Variants in GRID2 observed in about 807,000 individuals in gnomAD.
The protein encoded by GRID2 is glutamate ionotropic receptor delta type subunit 2, also known as glutamate receptor ionotropic, delta-2.
A neutral mutation model predicts 114.8 loss-of-function variants in GRID2; 33 were observed. That is an observed-to-expected ratio of 0.29 (90% CI 0.22 to 0.38). The LOEUF is 0.38. Among genes scored for constraint, GRID2 ranks in the 10% least tolerant of loss-of-function variants. GRID2 has a pLI of 1.00. For missense variants in GRID2, 1,184 were observed against 1,257.7 expected (o/e 0.94, Z 0.89); for synonymous variants, 505 against 449.9 (o/e 1.12, Z -1.55).
At chr4:93,129,197 C>T (rs1734567981) in intron 4 of GRID2, among the ~76,000 whole-genome samples, 1 of 152,164 alleles carries the variant, frequency 6.6e-6, no homozygotes, top group Non-Finnish European at 1.5e-5. Flanking sequence ...AGAAGTTTAG[C>T]AATTAGTACA....
chr4:92,806,330 G>A (rs2149375817), intron 2 of GRID2, among the ~76,000 whole-genome samples: 1 of 151,700 alleles, frequency 6.6e-6, no homozygotes, highest in East Asian at 2.0e-4. Flanking sequence ...AAATACACTG[G>A]AGACTTGTGG....
chr4:92,394,921 C>T (rs1022532953), intron 1 of GRID2, among the ~76,000 whole-genome samples: 11 of 151,326 alleles, frequency 7.3e-5, no homozygotes, highest in Admixed American at 2.6e-4. Context: ...TTTTAGTCTT[C>T]CTACCAAAAG....
chr4:93,493,910 T>C (rs1252336004), intron 12 of GRID2, among the ~76,000 whole-genome samples: 4 of 151,826 alleles, frequency 2.6e-5, no homozygotes, highest in Non-Finnish European at 5.9e-5. Flanking sequence ...AATAAATCTC[T>C]ACTTCCTTGT....
At chr4:93,218,566 C>T (rs1013452989) in intron 6 of GRID2, among the ~76,000 whole-genome samples, 1 of 152,116 alleles carries the variant, frequency 6.6e-6, no homozygotes, top group African/African-American at 2.4e-5. Flanking sequence ...TCATAACGTG[C>T]TTCTCTACCA....
chr4:92,649,243 C>A (rs13145765), intron 2 of GRID2, among the ~76,000 whole-genome samples: 23,413 of 137,166 alleles, frequency 0.17, 2,357 homozygotes, highest in South Asian at 0.3. Context: ...AGAATTCCCA[C>A]CAGTTTACCA....
At chr4:93,110,300 C>A (rs1732646356) in intron 3 of GRID2, among the ~76,000 whole-genome samples, 1 of 152,064 alleles carries the variant, frequency 6.6e-6, no homozygotes, top group South Asian at 2.1e-4. Context: ...ATACTGTTGC[C>A]TATTTTAAGA....
chr4:93,147,414 T>G (rs1224744621), intron 4 of GRID2, among the ~76,000 whole-genome samples: 2 of 152,176 alleles, frequency 1.3e-5, no homozygotes, highest in African/African-American at 2.4e-5. Flanking sequence ...GTACTCAGAT[T>G]AAATATAATC....
At chr4:93,197,605 T>G (rs35449503) in intron 4 of GRID2, among the ~76,000 whole-genome samples, 8 of 152,166 alleles carry the variant, frequency 5.3e-5, no homozygotes, top group Non-Finnish European at 1.0e-4. Context: ...ATGAGTACTG[T>G]CAAAAGTATT....
intron 8 of GRID2, among the ~76,000 whole-genome samples, chr4:93,270,121 A>G (rs892711803): frequency 2.0e-5 from 3 of 151,988 alleles, no homozygotes; most frequent in Non-Finnish European, 4.4e-5. Flanking sequence ...GAAGAAGGAG[A>G]AAAAATAGGC....
At chr4:92,875,839 A>G (rs1474846997) in intron 2 of GRID2, among the ~76,000 whole-genome samples, 1 of 152,116 alleles carries the variant, frequency 6.6e-6, no homozygotes, top group African/African-American at 2.4e-5. Flanking sequence ...TTTTTTTGTC[A>G]ATAATCATTA....
chr4:92,927,130 T>G (rs1438331697), intron 2 of GRID2, among the ~76,000 whole-genome samples: 5 of 151,906 alleles, frequency 3.3e-5, no homozygotes, highest in Non-Finnish European at 7.4e-5. Context: ...GATAAACCAA[T>G]ATAGTCCAAG....
At chr4:92,853,977 C>A (rs1744003741) in intron 2 of GRID2, among the ~76,000 whole-genome samples, 1 of 151,362 alleles carries the variant, frequency 6.6e-6, no homozygotes, top group South Asian at 2.1e-4. Context: ...CACATGTACC[C>A]CCATATCTAA....
At chr4:93,103,689 A>G (rs1243105665) in intron 3 of GRID2, among the ~76,000 whole-genome samples, 2 of 151,944 alleles carry the variant, frequency 1.3e-5, no homozygotes, top group Non-Finnish European at 2.9e-5. Flanking sequence ...CAGTGTGCAG[A>G]ATGTTTTCAG....
chr4:93,425,485 T>C (rs1246503718), intron 10 of GRID2, among the ~76,000 whole-genome samples: 9 of 152,120 alleles, frequency 5.9e-5, no homozygotes, highest in African/African-American at 1.9e-4. Context: ...CCTTCTGACT[T>C]AAAGGAACTC....
chr4:92,440,450 A>T (rs1433219020), intron 1 of GRID2, among the ~76,000 whole-genome samples: 32 of 150,422 alleles, frequency 2.1e-4, no homozygotes, highest in South Asian at 4.2e-4. Context: ...TATTTCAGTT[A>T]TCTGACTCAG....
intron 2 of GRID2, among the ~76,000 whole-genome samples, chr4:92,979,472 G>A (rs1346225783): frequency 6.6e-6 from 1 of 151,906 alleles, no homozygotes; most frequent in Non-Finnish European, 1.5e-5. Context: ...TCGTTTTTCA[G>A]GCCTATGAAT....
chr4:92,762,503 A>C (rs1031471312), intron 2 of GRID2, among the ~76,000 whole-genome samples: 1 of 152,082 alleles, frequency 6.6e-6, no homozygotes, highest in Non-Finnish European at 1.5e-5. Context: ...AGTTTATCAA[A>C]ATTTACCTCA....
intron 13 of GRID2, among the ~76,000 whole-genome samples, chr4:93,600,074 G>A (rs1414260723): frequency 6.6e-6 from 1 of 152,186 alleles, no homozygotes; most frequent in Non-Finnish European, 1.5e-5. Context: ...CGTAGACAAA[G>A]TTTGGAGTTC....
chr4:93,607,976 T>C (rs1287795640), intron 13 of GRID2, among the ~76,000 whole-genome samples: 1 of 151,626 alleles, frequency 6.6e-6, no homozygotes, highest in Admixed American at 6.6e-5. Context: ...CTTGGCTTTG[T>C]GAATGGTGTT....
Sources: gnomAD v4.1 joint callset for allele counts (sites outside exome capture counted in the v4.1 genomes callset) on GRCh38, gnomAD v4.1.1 for gene constraint, MANE v1.5 for transcripts, NCBI Gene and HGNC (gene_info 2026-07-23, HGNC 2026-07-21) for gene names.